SUMF1: variants seen among roughly 807,000 people sequenced by gnomAD.
SUMF1 encodes sulfatase modifying factor 1.
SUMF1 carries 48 observed loss-of-function variants against 47.6 expected under a neutral mutation model. The ratio of observed to expected loss-of-function variants is 1.01; its 90% CI spans 0.80 to 1.28. The LOEUF (loss-of-function observed/expected upper bound fraction) is 1.28. Among genes scored for constraint, SUMF1 ranks in the 50% most tolerant of loss-of-function variants. The probability of loss-of-function intolerance (pLI) is 0.00; values close to 1 mark genes in which losing one functional copy is unlikely to be tolerated. For synonymous variants in SUMF1, 230 were observed against 192.1 expected (o/e 1.20, Z -1.63); for missense variants, 571 against 485.4 (o/e 1.18, Z -1.66).
At chr3:4,354,888 TTTCTCATA>T (rs1384475463) in intron 8 of SUMF1, among the ~76,000 whole-genome samples, 2 of 152,202 alleles carry the variant, frequency 1.3e-5, no homozygotes, top group Non-Finnish European at 2.9e-5. Context: ...ATTTTTGCAT[TTTCTCATA>T]TCTCCCCACA....
At chr3:4,068,795 G>C (rs568455691) in intron 8 of SUMF1, 2 of 234,584 alleles carry the variant, frequency 8.5e-6, no homozygotes, top group Non-Finnish European at 1.8e-5. Flanking sequence ...AACATGAATA[G>C]GTAATATTTA....
At chr3:4,123,586 CAGAA>C (rs1490740462) in intron 8 of SUMF1, among the ~76,000 whole-genome samples, 1 of 152,096 alleles carries the variant, frequency 6.6e-6, no homozygotes, top group Non-Finnish European at 1.5e-5. Context: ...ATCAAGTGGT[CAGAA>C]AGAGTTTAGT....
At chr3:4,142,542 T>G (rs1194535490) in intron 8 of SUMF1, among the ~76,000 whole-genome samples, 1 of 152,172 alleles carries the variant, frequency 6.6e-6, no homozygotes, top group African/African-American at 2.4e-5. Context: ...CAATTACTAT[T>G]CATTGCAACT....
At chr3:4,409,249 G>C (rs774322857) in intron 7 of SUMF1, among the ~76,000 whole-genome samples, 20 of 152,110 alleles carry the variant, frequency 1.3e-4, no homozygotes, top group Non-Finnish European at 2.6e-4. Flanking sequence ...AATTGTCTAA[G>C]GATTTGGGGT....
At chr3:4,305,526 A>G (rs77278844) in intron 8 of SUMF1, among the ~76,000 whole-genome samples, 1,718 of 152,318 alleles carry the variant, frequency 0.011, 21 homozygotes, top group African/African-American at 0.038. Context: ...AAGAAAGAAA[A>G]AGAGGGGGAA....
At chr3:4,203,575 C>T (rs1179135473) in intron 8 of SUMF1, among the ~76,000 whole-genome samples, 2 of 151,992 alleles carry the variant, frequency 1.3e-5, no homozygotes, top group African/African-American at 2.4e-5. Context: ...AAGTTTAGTC[C>T]AGTTACATTC....
intron 8 of SUMF1, among the ~76,000 whole-genome samples, chr3:4,281,944 A>G (rs751534363): frequency 2.0e-5 from 3 of 152,222 alleles, no homozygotes; most frequent in Non-Finnish European, 2.9e-5. Context: ...AGACAAATTC[A>G]GTAAAATAGC....
At chr3:4,209,030 T>A (rs1286096300) in intron 8 of SUMF1, among the ~76,000 whole-genome samples, 1 of 152,100 alleles carries the variant, frequency 6.6e-6, no homozygotes, top group African/African-American at 2.4e-5. Context: ...CTCTCCTATC[T>A]GTTTTCTGAA....
intron 8 of SUMF1, among the ~76,000 whole-genome samples, chr3:4,280,479 G>A (rs1457807181): frequency 1.3e-5 from 2 of 151,390 alleles, no homozygotes; most frequent in African/African-American, 4.9e-5. Flanking sequence ...TATAAAGCCA[G>A]ATAATCTAAT....
intron 8 of SUMF1, among the ~76,000 whole-genome samples, chr3:4,276,436 T>G (rs2125041897): frequency 6.6e-6 from 1 of 152,294 alleles, no homozygotes; most frequent in South Asian, 2.1e-4. Context: ...AGCAGAATAT[T>G]CCAATACTCT....
intron 8 of SUMF1, among the ~76,000 whole-genome samples, chr3:4,216,775 A>T (rs2587943): frequency 0.6 from 91,331 of 152,068 alleles, 27,651 homozygotes; most frequent in South Asian, 0.69. Context: ...GCTCATCATC[A>T]CTGATCATCA....
At chr3:4,320,231 AACTC>A (rs1392777518) in intron 8 of SUMF1, among the ~76,000 whole-genome samples, 3 of 152,198 alleles carry the variant, frequency 2.0e-5, no homozygotes, top group African/African-American at 7.2e-5. Flanking sequence ...GTAGGAAACA[AACTC>A]AAAAGAGTAG....
intron 8 of SUMF1, among the ~76,000 whole-genome samples, chr3:4,142,256 C>A (rs767270800): frequency 2.0e-5 from 3 of 152,084 alleles, no homozygotes; most frequent in African/African-American, 7.2e-5. Context: ...GCATTATCAG[C>A]TAGGTTTCTG....
rs533449375 is a variant in SUMF1 at position 4,423,373 on chromosome 3, T to C, written c.520-3227A>G. 9.9e-5 allele frequency among the ~76,000 whole-genome samples: 15 copies of C among 152,084 alleles called. No individual in the cohort carries two copies. The South Asian group carries it at 2.9e-3, about 29-fold the overall frequency. ...TTAACGGCATTCACAGCAACCTGGA[T>C]GGGATTGGAGCCTACCCCTTTTTCA... is the stretch of plus-strand genomic sequence containing the variant. On this transcript the variant is annotated intron_variant, in intron 3 of 8. Transcript: ENST00000272902.
At chr3:4,244,221 T>C (rs1297988419) in intron 8 of SUMF1, among the ~76,000 whole-genome samples, 1 of 152,184 alleles carries the variant, frequency 6.6e-6, no homozygotes, top group Non-Finnish European at 1.5e-5. Context: ...AACTTGCCAG[T>C]CTGTGTCTTT....
At chr3:4,434,611 T>C (rs1301059683) in intron 3 of SUMF1, among the ~76,000 whole-genome samples, 1 of 152,224 alleles carries the variant, frequency 6.6e-6, no homozygotes, top group Non-Finnish European at 1.5e-5. Flanking sequence ...ACTGTATACA[T>C]TACTTGATTT....
intron 7 of SUMF1, among the ~76,000 whole-genome samples, chr3:4,389,517 G>A (rs562304772): frequency 2.0e-5 from 3 of 152,238 alleles, no homozygotes; most frequent in Non-Finnish European, 2.9e-5. Context: ...AACTGGAGGT[G>A]CTTTCAGCCA....
At chr3:4,220,350 G>T (rs1696033371) in intron 8 of SUMF1, among the ~76,000 whole-genome samples, 1 of 152,110 alleles carries the variant, frequency 6.6e-6, no homozygotes, top group Non-Finnish European at 1.5e-5. Context: ...AGAAAAGGTG[G>T]TAAACTTCCA....
chr3:4,259,155 C>G (rs1697030288), intron 8 of SUMF1, among the ~76,000 whole-genome samples: 1 of 150,588 alleles, frequency 6.6e-6, no homozygotes, highest in African/African-American at 2.5e-5. Context: ...GGAGATATAC[C>G]TAATGCTAGA....
Sources: allele counts gnomAD v4.1 joint callset (sites outside exome capture counted in the v4.1 genomes callset), GRCh38; gene constraint gnomAD v4.1.1; transcripts MANE v1.5; gene names NCBI Gene and HGNC (gene_info 2026-07-23, HGNC 2026-07-21).